The following MAP2K4 variants were observed in gnomAD, a reference collection of about 807,000 sequenced individuals.
MAP2K4 encodes the protein mitogen-activated protein kinase kinase 4.
A neutral mutation model predicts 48.5 loss-of-function variants in MAP2K4; 4 were observed. The observed-to-expected ratio is 0.08, with a 90% CI of 0.04 to 0.19. MAP2K4 has a LOEUF of 0.19. Among genes scored for constraint, MAP2K4 ranks in the 10% least tolerant of loss-of-function variants. The pLI, the probability that MAP2K4 is intolerant of heterozygous loss-of-function variation, is 1.00. For synonymous variants in MAP2K4, 166 were observed against 173.1 expected, an observed-to-expected ratio of 0.96 and a Z score of 0.32; for missense variants, 258 against 493.3, an observed-to-expected ratio of 0.52 and a Z score of 4.52.
At chr17:12,075,850 A>G (rs1049421086) in intron 2 of MAP2K4, among the ~76,000 whole-genome samples, 2 of 152,246 alleles carry the variant, frequency 1.3e-5, no homozygotes, top group Non-Finnish European at 2.9e-5. Flanking sequence ...AGCAGTAGGT[A>G]TAATATGCTG....
At chr17:12,119,674 C>CA (rs1202307307) in intron 7 of MAP2K4, among the ~76,000 whole-genome samples, 4 of 152,194 alleles carry the variant, frequency 2.6e-5, no homozygotes, top group Non-Finnish European at 4.4e-5. Flanking sequence ...GTCATTCTGT[C>CA]ATAAAGACAC....
chr17:12,110,772 G>A, intron 6 of MAP2K4: 1 of 206,258 alleles, frequency 4.8e-6, no homozygotes, highest in South Asian at 8.8e-5. Context: ...AGAATCTGAG[G>A]GATAGTACCC....
At chr17:12,102,892 C>G (rs1301779666) in intron 4 of MAP2K4, among the ~76,000 whole-genome samples, 1 of 151,848 alleles carries the variant, frequency 6.6e-6, no homozygotes, top group Non-Finnish European at 1.5e-5. Flanking sequence ...CTGTCTCCCC[C>G]TCCCTCCCAC....
intron 10 of MAP2K4, among the ~76,000 whole-genome samples, chr17:12,140,310 G>C (rs1973337038): frequency 6.6e-6 from 1 of 152,146 alleles, no homozygotes; most frequent in South Asian, 2.1e-4. Context: ...CATGGAACTT[G>C]GGTGTTTTAA....
At chr17:12,067,170 A>G (rs1204789409) in intron 2 of MAP2K4, among the ~76,000 whole-genome samples, 1 of 152,194 alleles carries the variant, frequency 6.6e-6, no homozygotes, top group Non-Finnish European at 1.5e-5. Flanking sequence ...GTATAGGTGT[A>G]TTATATATTT....
intron 7 of MAP2K4, among the ~76,000 whole-genome samples, chr17:12,117,987 T>A (rs533388782): frequency 5.3e-5 from 8 of 152,334 alleles, no homozygotes; most frequent in African/African-American, 1.9e-4. Context: ...ACACATGCCA[T>A]TTGATGGTAT....
chr17:12,133,384 G>C (rs181859972), intron 9 of MAP2K4, among the ~76,000 whole-genome samples: 3 of 152,122 alleles, frequency 2.0e-5, no homozygotes, highest in Non-Finnish European at 4.4e-5. Context: ...GCCAGGCTGG[G>C]AAGTTTAATT....
chr17:12,138,774 T>C (rs1048084335), intron 9 of MAP2K4, among the ~76,000 whole-genome samples: 3 of 152,136 alleles, frequency 2.0e-5, no homozygotes, highest in African/African-American at 4.8e-5. Flanking sequence ...GGAAACGAGA[T>C]TGGGCAGAAG....
intron 1 of MAP2K4, among the ~76,000 whole-genome samples, chr17:12,041,941 G>A (rs1969799633): frequency 6.6e-6 from 1 of 152,138 alleles, no homozygotes; most frequent in Admixed American, 6.5e-5. Flanking sequence ...AGCGCTTTGG[G>A]AGGCTGAGGC....
At chr17:12,060,344 G>C (rs767715744) in intron 2 of MAP2K4, among the ~76,000 whole-genome samples, 1 of 152,064 alleles carries the variant, frequency 6.6e-6, no homozygotes, top group Non-Finnish European at 1.5e-5. Flanking sequence ...ATAATGAATA[G>C]GAAGGGGAGA....
chr17:12,091,041 G>A (rs1215930282), intron 3 of MAP2K4, among the ~76,000 whole-genome samples: 1 of 152,196 alleles, frequency 6.6e-6, no homozygotes, highest in African/African-American at 2.4e-5. Flanking sequence ...CTGGAGAATT[G>A]TGTCACTGTG....
At chr17:12,074,804 G>C (rs549152655) in intron 2 of MAP2K4, among the ~76,000 whole-genome samples, 2 of 152,314 alleles carry the variant, frequency 1.3e-5, no homozygotes, top group South Asian at 4.1e-4. Flanking sequence ...CCCGCTCCCT[G>C]TATCACAGTT....
chr17:12,136,089 G>A (rs1482953561), intron 9 of MAP2K4, among the ~76,000 whole-genome samples: 1 of 152,100 alleles, frequency 6.6e-6, no homozygotes, highest in Non-Finnish European at 1.5e-5. Flanking sequence ...GGAAAGATAT[G>A]CTCCTCTTGC....
chr17:12,109,217 T>C (rs998904174), intron 5 of MAP2K4, among the ~76,000 whole-genome samples: 7 of 152,166 alleles, frequency 4.6e-5, no homozygotes, highest in African/African-American at 1.7e-4. Context: ...TCTTAACCGC[T>C]GTATAACAGG....
intron 2 of MAP2K4, 114 bp downstream of exon 2, chr17:12,055,105 T>C: frequency 3.3e-6 from 2 of 606,218 alleles, no homozygotes; most frequent in South Asian, 2.6e-5. Flanking sequence ...CTAAACTCTC[T>C]GGGAATATTG....
chr17:12,113,143 T>C, intron 6 of MAP2K4, 90 bp from the exon 7 acceptor site: 2 of 1,239,204 alleles, frequency 1.6e-6, no homozygotes, highest in South Asian at 2.8e-5. Flanking sequence ...TTATGTTGTC[T>C]AAGGTTTTTC....
chr17:12,104,685 T>G (rs1972048190), intron 4 of MAP2K4, among the ~76,000 whole-genome samples: 1 of 152,140 alleles, frequency 6.6e-6, no homozygotes, highest in Non-Finnish European at 1.5e-5. Flanking sequence ...TAGATGTTTT[T>G]GTCTCTTATT....
chr17:12,075,993 G>T (rs1970986419), intron 2 of MAP2K4, among the ~76,000 whole-genome samples: 1 of 152,090 alleles, frequency 6.6e-6, no homozygotes, highest in Admixed American at 6.6e-5. Context: ...AGCTTTAGGA[G>T]GGATTTTAGA....
chr17:12,108,954 G>A (rs1017852380), intron 5 of MAP2K4, among the ~76,000 whole-genome samples: 1 of 151,904 alleles, frequency 6.6e-6, no homozygotes, highest in South Asian at 2.1e-4. Flanking sequence ...TTAAACCCGT[G>A]TTATCTTGAA....
Sources: allele counts gnomAD v4.1 joint callset (sites outside exome capture counted in the v4.1 genomes callset), GRCh38; gene constraint gnomAD v4.1.1; transcripts MANE v1.5; gene names NCBI Gene and HGNC (gene_info 2026-07-23, HGNC 2026-07-21).